The following PKNOX2 variants were observed in gnomAD, a reference collection of about 807,000 sequenced individuals.
The protein encoded by PKNOX2 is PBX/knotted 1 homeobox 2, also known as homeobox protein PKNOX2.
Under a neutral mutation model 53.1 loss-of-function variants are expected in PKNOX2, and 14 were observed. The observed-to-expected ratio is 0.26, with a 90% confidence interval of 0.17 to 0.41. The LOEUF is 0.41. Ranked by LOEUF, PKNOX2 falls within the 10% of genes least tolerant of loss-of-function variation. The pLI, the probability that PKNOX2 is intolerant of heterozygous loss-of-function variation, is 1.00. For missense variants in PKNOX2, 496 were observed against 602.8 expected, an observed-to-expected ratio of 0.82 and a Z score of 1.85; for synonymous variants, 257 against 242.8, an observed-to-expected ratio of 1.06 and a Z score of -0.54.
intron 2 of PKNOX2, among the ~76,000 whole-genome samples, chr11:125,252,233 C>T (rs546323631): frequency 6.6e-6 from 1 of 152,280 alleles, no homozygotes; most frequent in Admixed American, 6.5e-5. Context: ...GAGGGCTTGG[C>T]TGATGAGGTG....
At chr11:125,402,635 A>G (rs191649887) in intron 7 of PKNOX2, among the ~76,000 whole-genome samples, 5 of 152,312 alleles carry the variant, frequency 3.3e-5, no homozygotes, top group African/African-American at 1.2e-4. Context: ...AGTCACAATG[A>G]GGATCTAGAT....
intron 2 of PKNOX2, among the ~76,000 whole-genome samples, chr11:125,241,419 C>T (rs894549491): frequency 2.0e-5 from 3 of 152,220 alleles, no homozygotes; most frequent in Admixed American, 2.0e-4. Flanking sequence ...TATGCTGCTG[C>T]GTTCCTTTGC....
chr11:125,212,449 C>CTTTTT (rs796083611), intron 1 of PKNOX2, among the ~76,000 whole-genome samples: 1 of 105,392 alleles, frequency 9.5e-6, no homozygotes, highest in Non-Finnish European at 2.0e-5. Flanking sequence ...GGAGGGGATT[C>CTTTTT]TTTTTTTTTT....
rs1468351174 is a variant in PKNOX2 at position 125,417,500 on chromosome 11, C to T, written c.936+5635C>T. On this transcript the variant is annotated intron_variant, in intron 10 of 12. Coordinates refer to ENST00000298282, the MANE Select transcript of PKNOX2 (RefSeq NM_001382323.2). ...CCCTAGGAGGAGGTAATACAATTCG[C>T]CTCATTTTACCAGTGACAAAACTGA... is the stretch of plus-strand genomic sequence containing the variant. Among the ~76,000 whole-genome samples the T allele has an allele frequency of 2.0e-5, 3 of 152,126 alleles. No homozygotes were observed. The South Asian group carries it at 6.2e-4, about 31-fold the overall frequency.
chr11:125,383,136 A>G (rs935588739), intron 5 of PKNOX2, among the ~76,000 whole-genome samples: 1 of 152,194 alleles, frequency 6.6e-6, no homozygotes, highest in African/African-American at 2.4e-5. Flanking sequence ...TGCGAGTGTG[A>G]GTGTGGATGG....
At chr11:125,298,008 A>G (rs931044868) in intron 2 of PKNOX2, among the ~76,000 whole-genome samples, 11 of 152,186 alleles carry the variant, frequency 7.2e-5, no homozygotes, top group Non-Finnish European at 1.6e-4. Flanking sequence ...ATGAATATAC[A>G]ACTGATGGCC....
At chr11:125,337,881 C>T (rs1950504634) in intron 3 of PKNOX2, among the ~76,000 whole-genome samples, 1 of 152,170 alleles carries the variant, frequency 6.6e-6, no homozygotes, top group Non-Finnish European at 1.5e-5. Flanking sequence ...GGGCAAGTTT[C>T]CTTATTTGTC....
chr11:125,240,052 G>A lies in PKNOX2; in HGVS notation c.-130+4937G>A, dbSNP rs117834337. On this transcript the variant is annotated intron_variant, in intron 2 of 12. Coordinates refer to ENST00000298282, the MANE Select transcript of PKNOX2 (RefSeq NM_001382323.2). This position sits in a 1 kb window ranked among gnomAD's most constrained non-coding sequence, Gnocchi z 4.3. Reference sequence around the variant, plus strand: ...TGCAATTTACATTATGCAAATAGACGTTATGCAATCAAGGCACTTTAGCAG... The same window carrying A: ...TGCAATTTACATTATGCAAATAGACATTATGCAATCAAGGCACTTTAGCAG... 6.6e-5 allele frequency: 10 copies of A among 152,318 alleles called. No homozygotes were observed. Among genetic ancestry groups the A allele is most frequent in the South Asian group, 2.1e-4 (1 of 4,828 alleles). 9.4% of individuals were successfully genotyped at this position (152,318 alleles called of 1,614,324 possible).
intron 2 of PKNOX2, among the ~76,000 whole-genome samples, chr11:125,299,075 T>A (rs755731329): frequency 6.6e-6 from 1 of 152,000 alleles, no homozygotes; most frequent in Non-Finnish European, 1.5e-5. Context: ...GAGCTTTTAC[T>A]CTTGGTGGAA....
chr11:125,197,988 C>G (rs1591477912), intron 1 of PKNOX2, among the ~76,000 whole-genome samples: 1 of 152,352 alleles, frequency 6.6e-6, no homozygotes, highest in Non-Finnish European at 1.5e-5. Flanking sequence ...CCTTGCAGGA[C>G]CAATGCAGGG....
At chr11:125,353,840 G>A (rs929693705) in intron 4 of PKNOX2, among the ~76,000 whole-genome samples, 11 of 152,302 alleles carry the variant, frequency 7.2e-5, no homozygotes, top group African/African-American at 2.6e-4. Flanking sequence ...TGCCCAAATT[G>A]CCATTGGCCT....
At chr11:125,238,072 T>C (rs1026536721) in intron 2 of PKNOX2, among the ~76,000 whole-genome samples, 1 of 152,226 alleles carries the variant, frequency 6.6e-6, no homozygotes, top group Admixed American at 6.5e-5. Flanking sequence ...CCAAGAACTA[T>C]AGTCTCTTTC....
At chr11:125,360,401 G>A (rs570408806) in intron 4 of PKNOX2, among the ~76,000 whole-genome samples, 3 of 152,298 alleles carry the variant, frequency 2.0e-5, no homozygotes, top group Admixed American at 6.5e-5. Flanking sequence ...GGTTTGCGGG[G>A]CATCTGCTGC....
intron 4 of PKNOX2, among the ~76,000 whole-genome samples, chr11:125,355,403 T>G (rs1951550964): frequency 6.6e-6 from 1 of 152,174 alleles, no homozygotes; most frequent in Non-Finnish European, 1.5e-5. Context: ...CGCCCTCTAC[T>G]GTCTTAACTA....
intron 2 of PKNOX2, among the ~76,000 whole-genome samples, chr11:125,270,636 A>T (rs1214104362): frequency 6.6e-6 from 1 of 152,094 alleles, no homozygotes; most frequent in East Asian, 1.9e-4. Context: ...AAAAAAATTG[A>T]TTTTGTAGTT....
At chr11:125,335,754 G>A (rs1565499816) in intron 3 of PKNOX2, among the ~76,000 whole-genome samples, 1 of 152,108 alleles carries the variant, frequency 6.6e-6, no homozygotes, top group Non-Finnish European at 1.5e-5. Flanking sequence ...GTAGGTTGAG[G>A]CTGCAGTGAG....
At chr11:125,233,254 T>C (rs1461872738) in intron 1 of PKNOX2, among the ~76,000 whole-genome samples, 1 of 152,236 alleles carries the variant, frequency 6.6e-6, no homozygotes, top group Non-Finnish European at 1.5e-5. Flanking sequence ...GTTGGCCATA[T>C]CTTCTTTCAA....
At chr11:125,387,810 T>C (rs1012265878) in intron 6 of PKNOX2, among the ~76,000 whole-genome samples, 3 of 152,204 alleles carry the variant, frequency 2.0e-5, no homozygotes, top group African/African-American at 7.2e-5. Context: ...CAATGACTGG[T>C]TGATTGACTG....
intron 1 of PKNOX2, among the ~76,000 whole-genome samples, chr11:125,203,822 A>C (rs1938739883): frequency 6.6e-6 from 1 of 152,092 alleles, no homozygotes. Flanking sequence ...ATGTGTGCCC[A>C]TGTCCCCCGA....
Sources: gnomAD v4.1 joint callset for allele counts (sites outside exome capture counted in the v4.1 genomes callset) on GRCh38, gnomAD v4.1.1 for gene constraint, Gnocchi (gnomAD v3.1) non-coding constraint, MANE v1.5 for transcripts, NCBI Gene and HGNC (gene_info 2026-07-23, HGNC 2026-07-21) for gene names.